The following USP24 variants were observed in gnomAD, a reference collection of about 807,000 sequenced individuals.
USP24 encodes the protein ubiquitin specific peptidase 24.
Under a neutral mutation model 361.6 loss-of-function variants are expected in USP24, and 97 were observed. That is an observed-to-expected ratio of 0.27 (90% confidence interval 0.23 to 0.32). The LOEUF is 0.32. Ranked by LOEUF, USP24 falls within the 10% of genes least tolerant of loss-of-function variation. USP24 has a pLI of 1.00. For missense variants in USP24, 2,353 were observed against 3,165.6 expected, an observed-to-expected ratio of 0.74 and a Z score of 6.16; for synonymous variants, 1,098 against 1,124.6, an observed-to-expected ratio of 0.98 and a Z score of 0.47.
At chr1:55,171,945 C>T (rs1350248212) in intron 4 of USP24, among the ~76,000 whole-genome samples, 2 of 152,068 alleles carry the variant, frequency 1.3e-5, no homozygotes, top group Non-Finnish European at 2.9e-5. Context: ...GCCAATGCCC[C>T]AAGTGTGCTA....
chr1:55,100,286 C>T (rs1557557706), intron 44 of USP24, among the ~76,000 whole-genome samples: 2 of 152,188 alleles, frequency 1.3e-5, no homozygotes, highest in African/African-American at 4.8e-5. Flanking sequence ...CACCTGAGGT[C>T]GGGAGTTCAA....
chr1:55,173,775 A>T (rs17111714), intron 3 of USP24, among the ~76,000 whole-genome samples: 5,684 of 152,286 alleles, frequency 0.037, 340 homozygotes, highest in African/African-American at 0.13. Flanking sequence ...CCAGTAAGTT[A>T]CTATTTTTTG....
intron 38 of USP24, among the ~76,000 whole-genome samples, chr1:55,111,317 CTTT>C (rs1392351789): frequency 6.6e-6 from 1 of 152,038 alleles, no homozygotes. Flanking sequence ...TTAAGAGATT[CTTT>C]AAGAGTATAT....
At chr1:55,157,787 T>C (rs1647835334) in intron 10 of USP24, among the ~76,000 whole-genome samples, 1 of 151,182 alleles carries the variant, frequency 6.6e-6, no homozygotes, top group South Asian at 2.1e-4. Context: ...TGGTCCAAGA[T>C]TGTGCCACTG....
chr1:55,096,084 T>C (rs562868637), intron 50 of USP24, among the ~76,000 whole-genome samples: 2 of 152,330 alleles, frequency 1.3e-5, no homozygotes, highest in East Asian at 3.9e-4. Flanking sequence ...ATAATAAATA[T>C]GGTTTTAAAA....
chr1:55,171,787 A>T, intron 4 of USP24, 109 bp from the exon 5 acceptor site: 1 of 1,230,702 alleles, frequency 8.1e-7, no homozygotes, highest in Non-Finnish European at 1.1e-6. Flanking sequence ...CATTAATGGG[A>T]TCTTTCAAGA....
chr1:55,178,638 T>C (rs1351436489), intron 1 of USP24, among the ~76,000 whole-genome samples: 1 of 151,698 alleles, frequency 6.6e-6, no homozygotes, highest in Non-Finnish European at 1.5e-5. Context: ...ATTGCACCAC[T>C]GTACTCCAGC....
At chr1:55,126,457 T>C (rs1377056426) in intron 32 of USP24, among the ~76,000 whole-genome samples, 1 of 152,234 alleles carries the variant, frequency 6.6e-6, no homozygotes, top group Non-Finnish European at 1.5e-5. Context: ...ATACTTTTAC[T>C]TATGTTAATT....
intron 43 of USP24, 35 bp downstream of exon 43, chr1:55,101,549 C>G: frequency 6.4e-7 from 1 of 1,574,758 alleles, no homozygotes; most frequent in Non-Finnish European, 8.6e-7. Context: ...CACGTATTAT[C>G]TATCGTACCA....
chr1:55,071,428 T>A, intron 67 of USP24: 1 of 1,009,508 alleles, frequency 9.9e-7, no homozygotes, highest in South Asian at 4.4e-5. Context: ...CACGGGAGCT[T>A]TTCTTTCAAG....
At position 55,165,494 on chromosome 1, in the gene USP24, T is replaced by C. The variant is rs188862220; in HGVS notation, c.927+391A>G. 3.1e-3 allele frequency among the ~76,000 whole-genome samples: 478 copies of C among 152,278 alleles called. 3 individuals are homozygous for C. The highest frequency in any genetic ancestry group is 0.011 in the African/African-American group (465 of 41,578). The stretch of plus-strand genomic sequence containing the variant: ...CCAAAAAGCTTACTAAACAACTCTG[T>C]TAAAAGTATTTTTATTTGTGCCTGA... On this transcript the variant is annotated intron_variant, in intron 7 of 67. Transcript: ENST00000294383.
intron 24 of USP24, 145 bp downstream of exon 24, chr1:55,141,471 A>G: frequency 1.4e-6 from 1 of 730,756 alleles, no homozygotes; most frequent in Non-Finnish European, 2.3e-6. Flanking sequence ...GATGGGGAAC[A>G]TGTAATTCTC....
chr1:55,137,847 A>G lies in USP24; in HGVS notation c.2986T>C (p.Ser996Pro). 3.9e-5 allele frequency: 62 copies of G among 1,597,696 alleles called. No homozygotes were observed. The highest frequency in any genetic ancestry group is 5.2e-5 in the Non-Finnish European group (61 of 1,171,010). ...AATATCTGTATATTATCCACAGGAG[A>G]GCACAACTGCTTGGCTATTTTCCAC... ...VRWKIAKQLC[S>P]PVDNIQIFTN... is the part of the protein sequence containing the mutation. Residue 996 changes from serine (S) to proline (P), a missense_variant, in exon 27 of 68, where the codon TCT becomes CCT. Ser to Pro is a moderately conservative substitution (Grantham distance 74). Coordinates refer to ENST00000294383, the MANE Select transcript of USP24 (RefSeq NM_015306.3).
At chr1:55,197,274 T>C (rs924630783) in intron 1 of USP24, among the ~76,000 whole-genome samples, 1 of 152,238 alleles carries the variant, frequency 6.6e-6, no homozygotes, top group Non-Finnish European at 1.5e-5. Context: ...ATCTCTCTCC[T>C]GTGCTGCTTT....
intron 59 of USP24, 99 bp downstream of exon 59, chr1:55,081,223 C>G: frequency 8.2e-7 from 1 of 1,225,540 alleles, no homozygotes; most frequent in Non-Finnish European, 1.1e-6. Flanking sequence ...AGCAAGTAGT[C>G]GAATGAGAAA....
At chr1:55,124,154 C>T (rs1484498808) in intron 35 of USP24, among the ~76,000 whole-genome samples, 1 of 152,190 alleles carries the variant, frequency 6.6e-6, no homozygotes, top group African/African-American at 2.4e-5. Context: ...GGACTGAATT[C>T]TAAATGAATT....
intron 40 of USP24, among the ~76,000 whole-genome samples, 183 bp from the exon 41 acceptor site, chr1:55,106,446 C>A (rs1180008989): frequency 6.6e-6 from 1 of 152,110 alleles, no homozygotes; most frequent in Non-Finnish European, 1.5e-5. Context: ...GGGTAGACTA[C>A]AAAGGGGACA....
chr1:55,116,690 AAAAAG>A (rs1172939970), intron 38 of USP24, among the ~76,000 whole-genome samples: 19 of 151,938 alleles, frequency 1.3e-4, no homozygotes, highest in Non-Finnish European at 2.1e-4. Context: ...CCAAAAAAAA[AAAAAG>A]AAAAGAAAAG....
chr1:55,204,345 T>C lies in USP24; in HGVS notation c.324+10445A>G, dbSNP rs115563217. On this transcript the variant is annotated intron_variant, in intron 1 of 67. Coordinates refer to ENST00000294383, the MANE Select transcript of USP24 (RefSeq NM_015306.3). ...GCTTTTAGGATAAAAAATAATGCCA[T>C]TTCATTAAAATAATTAACATCACTC... Among the ~76,000 whole-genome samples the C allele has an allele frequency of 4.2e-3, 636 of 152,276 alleles. 3 individuals carry two copies. Among genetic ancestry groups the C allele is most frequent in the African/African-American group, 0.015 (604 of 41,548 alleles).
Sources: allele counts gnomAD v4.1 joint callset (sites outside exome capture counted in the v4.1 genomes callset), GRCh38; gene constraint gnomAD v4.1.1; transcripts MANE v1.5; gene names NCBI Gene and HGNC (gene_info 2026-07-23, HGNC 2026-07-21).